The following KNG1 variants were observed in gnomAD, a reference collection of about 807,000 sequenced individuals.
The protein encoded by KNG1 is kininogen 1.
In KNG1, 23 loss-of-function variants were observed where a neutral mutation model predicts 47.8. The ratio of observed to expected loss-of-function variants is 0.48; its 90% confidence interval spans 0.35 to 0.68. KNG1 has a LOEUF of 0.68. Among genes scored for constraint, KNG1 ranks in the 30% least tolerant of loss-of-function variants. The probability of loss-of-function intolerance (pLI) is 0.01; values close to 1 mark genes in which losing one functional copy is unlikely to be tolerated. For synonymous variants in KNG1, 277 were observed against 277.0 expected (o/e 1.00, Z 0.00); for missense variants, 762 against 790.2 (o/e 0.96, Z 0.43).
intron 1 of KNG1, 139 bp from the exon 2 acceptor site, chr3:186,719,966 A>G (rs894496499): frequency 1.4e-6 from 1 of 701,912 alleles, no homozygotes; most frequent in Non-Finnish European, 2.6e-6. Flanking sequence ...AATGTTTATG[A>G]TAGAAATATA....
intron 2 of KNG1, chr3:186,722,184 CA>C (rs1720222000): frequency 2.6e-6 from 1 of 378,784 alleles, no homozygotes; most frequent in Admixed American, 4.2e-5. Context: ...GGGCTCAAAA[CA>C]AAGACTCAAG....
intron 2 of KNG1, chr3:186,720,433 A>G (rs1041300630): frequency 9.4e-6 from 5 of 529,148 alleles, no homozygotes; most frequent in African/African-American, 7.7e-5. Context: ...AAGCCTTTCC[A>G]TGAGAAGGGG....
intron 4 of KNG1, among the ~76,000 whole-genome samples, chr3:186,726,730 GT>G (rs1720383666): frequency 6.6e-6 from 1 of 152,064 alleles, no homozygotes; most frequent in Non-Finnish European, 1.5e-5. Flanking sequence ...ACTCAATTAT[GT>G]CCGTATAGTG....
chr3:186,718,058 AC>A (rs1720054910), intron 1 of KNG1: 1 of 149,912 alleles, frequency 6.7e-6, no homozygotes, highest in Non-Finnish European at 1.2e-5. Flanking sequence ...CACCACCATC[AC>A]CCACCACCCA....
chr3:186,719,653 C>T (rs1720128842), intron 1 of KNG1, among the ~76,000 whole-genome samples: 1 of 150,720 alleles, frequency 6.6e-6, no homozygotes, highest in Non-Finnish European at 1.5e-5. Context: ...GGCGTGAACC[C>T]GGGAGGCAGA....
At chr3:186,724,697 CT>C (rs766743705) in intron 3 of KNG1, among the ~76,000 whole-genome samples, 4,788 of 145,836 alleles carry the variant, frequency 0.033, 106 homozygotes, top group Middle Eastern at 0.061. Context: ...GTTTTTCTTT[CT>C]TTTTTTTTTT....
At chr3:186,725,543 A>ATTTTTTTGTTTTTTTTTTTTTTTT (rs1720337320) in intron 4 of KNG1, among the ~76,000 whole-genome samples, 1 of 87,726 alleles carries the variant, frequency 1.1e-5, no homozygotes, top group African/African-American at 4.7e-5. Context: ...CGGCCTTAGG[A>ATTTTTTTGTTTTTTTTTTTTTTTT]TTTTTTTTTT....
Position 186,743,955 on chromosome 3 carries a change from T to G in KNG1, c.*1624T>G. On this transcript the variant is annotated 3_prime_UTR_variant, in exon 10 of 10. Coordinates refer to ENST00000644859, the MANE Select transcript of KNG1 (RefSeq NM_001102416.3). The stretch of plus-strand genomic sequence containing the variant: ...ATCAGTCTTGATGTTCTAACTCTAA[T>G]TCACAGTGGTCTCCTTTCAGCCCTA... 1 of 668,818 alleles carries G rather than the reference T, an allele frequency of 1.5e-6. No homozygotes were observed. The highest frequency in any genetic ancestry group is 1.6e-5 in the South Asian group (1 of 61,852). 41.4% of individuals were successfully genotyped at this position (668,818 alleles called of 1,614,324 possible).
intron 7 of KNG1, chr3:186,738,843 T>C: frequency 5.3e-6 from 2 of 374,874 alleles, no homozygotes; most frequent in Non-Finnish European, 9.9e-6. Context: ...CGAAACTCCA[T>C]CTCAAAAAAA....
intron 9 of KNG1, among the ~76,000 whole-genome samples, chr3:186,740,948 T>TG (rs544628351): frequency 9.1e-4 from 139 of 151,960 alleles, no homozygotes; most frequent in Middle Eastern, 3.4e-3. Context: ...TACAGTTTTT[T>TG]TTGTTGTTGT....
At chr3:186,741,430 C>T (rs1430770686) in intron 9 of KNG1, 92 bp from the exon 10 acceptor site, 4 of 1,185,214 alleles carry the variant, frequency 3.4e-6, no homozygotes, top group African/African-American at 1.6e-5. Flanking sequence ...CCATTGTAAA[C>T]TAAGATAACA....
Position 186,732,674 on chromosome 3 carries a change from G to A in KNG1, c.930G>A (p.Gln310=), listed in dbSNP as rs748883626. The A allele has an allele frequency of 6.2e-7, 1 of 1,612,044 alleles. No homozygotes were observed. Among genetic ancestry groups the A allele is most frequent in the Non-Finnish European group, 8.5e-7 (1 of 1,178,132 alleles). Residue 310 remains glutamine, a splice_region_variant and synonymous_variant, in exon 7 of 10, where the codon CAG becomes CAA. Transcript: ENST00000644859. The stretch of plus-strand genomic sequence containing the variant: ...ACAATGTGAAAAAAGCAAGAGTACA[G>A]GTGTGTAAACTATACTACAAAAGCA... ...KIDNVKKARV[Q]VVAGKKYFID...
intron 7 of KNG1, chr3:186,736,195 A>T (rs1720666693): frequency 1.3e-5 from 2 of 152,202 alleles, no homozygotes; most frequent in Non-Finnish European, 2.9e-5. Context: ...AAGAATTTCA[A>T]ACTTACTTTA....
intron 1 of KNG1, 51 bp downstream of exon 1, chr3:186,717,788 T>A: frequency 7.4e-7 from 1 of 1,355,190 alleles, no homozygotes; most frequent in Non-Finnish European, 1.0e-6. Context: ...GTACTATCAC[T>A]AGGAGTCCAG....
chr3:186,724,958 G>C (rs1656920), intron 3 of KNG1, 130 bp from the exon 4 acceptor site: 457,027 of 881,366 alleles, frequency 0.52, 120,193 homozygotes, highest in Admixed American at 0.61. Flanking sequence ...CGATCTGCCC[G>C]CCTCAGCCTC....
intron 4 of KNG1, among the ~76,000 whole-genome samples, chr3:186,725,543 A>ATTTTGTTTTTTTTTTTTT (rs1720337071): frequency 1.1e-5 from 1 of 87,726 alleles, no homozygotes; most frequent in Non-Finnish European, 2.2e-5. Context: ...CGGCCTTAGG[A>ATTTTGTTTTTTTTTTTTT]TTTTTTTTTT....
rs1197411243 is a variant in KNG1 at position 186,741,545 on chromosome 3, A to G, written c.1149A>G (p.Pro383=). 6.2e-7 allele frequency: 1 copy of G among 1,610,318 alleles called. No homozygotes were observed. The change falls in exon 10 of 10, where the codon CCA becomes CCG. Residue 383 remains proline (P), a synonymous_variant. Coordinates refer to ENST00000644859, the MANE Select transcript of KNG1 (RefSeq NM_001102416.3). ...LGMISLMKRP[P]GFSPFRSSRI... The stretch of plus-strand genomic sequence containing the variant: ...AGATCTCACTGATGAAAAGGCCTCC[A>G]GGTTTTTCACCTTTCCGATCATCAC...
Position 186,742,976 on chromosome 3 carries a change from G to A in KNG1, c.*645G>A. 9.2e-6 allele frequency: 9 copies of A among 982,522 alleles called. No homozygotes were observed. The highest frequency in any genetic ancestry group is 1.1e-5 in the Non-Finnish European group (9 of 827,430). The allele number at this position is 982,522 out of a possible 1,614,324, so 60.9% of individuals were successfully genotyped here. ...ACAGGTTGGCCAAAGGGAGGAAAGG[G>A]GGGACATAAATTAATTGACTTTCTA... On this transcript the variant is annotated 3_prime_UTR_variant, in exon 10 of 10. Transcript: ENST00000644859.
intron 3 of KNG1, among the ~76,000 whole-genome samples, chr3:186,724,697 C>CTT: frequency 6.9e-6 from 1 of 145,920 alleles, no homozygotes. Flanking sequence ...GTTTTTCTTT[C>CTT]TTTTTTTTTT....
Sources: allele counts gnomAD v4.1 joint callset (sites outside exome capture counted in the v4.1 genomes callset), GRCh38; gene constraint gnomAD v4.1.1; transcripts MANE v1.5; gene names NCBI Gene and HGNC (gene_info 2026-07-23, HGNC 2026-07-21).